Variants in CYGB observed in about 807,000 individuals in gnomAD.
CYGB encodes the protein cytoglobin, also known as histoglobin.
A neutral mutation model predicts 20.7 loss-of-function variants in CYGB; 13 were observed. The observed-to-expected ratio is 0.63, with a 90% CI of 0.41 to 1.00. The LOEUF (loss-of-function observed/expected upper bound fraction) is 1.00. Ranked by LOEUF, CYGB falls within the 50% of genes least tolerant of loss-of-function variation. The pLI is 0.00. For missense variants in CYGB, 218 were observed against 257.2 expected, an observed-to-expected ratio of 0.85 and a Z score of 1.04; for synonymous variants, 93 against 107.4, an observed-to-expected ratio of 0.87 and a Z score of 0.83.
rs1333216052 is a variant in CYGB, at chr17:76,530,872, C to T, written c.539+107G>A. 3.8e-6 allele frequency: 5 copies of T among 1,305,818 alleles called. No individual in the cohort carries two copies. The highest frequency in any genetic ancestry group is 5.2e-6 in the Non-Finnish European group (5 of 969,828). 80.9% of individuals were successfully genotyped at this position (1,305,818 alleles called of 1,614,324 possible). Reference sequence around the variant, plus strand: ...CCAGGGTTGGCCTGCCTCAAGTGTGCCTGCCCAGGTGATCAGCCCCAGGGC... The same window carrying T: ...CCAGGGTTGGCCTGCCTCAAGTGTGTCTGCCCAGGTGATCAGCCCCAGGGC... On this transcript the variant is annotated intron_variant, in intron 3 of 3. Coordinates refer to ENST00000293230, the MANE Select transcript of CYGB (RefSeq NM_134268.5). This position sits in a 1 kb window ranked among gnomAD's most constrained non-coding sequence, Gnocchi z 6.1.
At position 76,531,923 on chromosome 17, in the gene CYGB, C is replaced by A. The variant is rs930582; in HGVS notation, c.144-232G>T. On this transcript the variant is annotated intron_variant, in intron 1 of 3. Coordinates refer to ENST00000293230, the MANE Select transcript of CYGB (RefSeq NM_134268.5). This position sits in a 1 kb window ranked among gnomAD's most constrained non-coding sequence, Gnocchi z 7.4. ...TATCTGCCAGGCTTGCTCAGGCTGGCGGCTTCATCTCCTAGGCCTCTGTCT... is the reference window on the plus strand; with the variant it reads ...TATCTGCCAGGCTTGCTCAGGCTGGAGGCTTCATCTCCTAGGCCTCTGTCT... 0.02 allele frequency: 9,665 copies of A among 472,288 alleles called. 814 individuals carry two copies. Among genetic ancestry groups the A allele is most frequent in the African/African-American group, 0.17 (8,649 of 51,884 alleles). The allele number at this position is 472,288 out of a possible 1,614,324, so 29.3% of individuals were successfully genotyped here.
rs1173182356 is a variant in CYGB, at chr17:76,547,862, CAT to C, written c.-53+2998_-53+2999del. Among the ~76,000 whole-genome samples the C allele has an allele frequency of 5.3e-5, 8 of 150,564 alleles. No homozygotes were observed. In the East Asian group the frequency reaches 7.8e-4, roughly 15 times the overall value. On this transcript the variant is annotated intron_variant, in intron 1 of 3. Coordinates refer to the CYGB transcript ENST00000589145. ...ACATTCACACACACACAGACATACA[CAT>C]ATACATATTCACACACATACACATA...
rs773857390 is a variant in CYGB, at chr17:76,537,382, G to A, written c.143+18C>T. ...CGCCCTCCCTGCCCAGGGCCCGGCC[G>A]GGCCGGGCGACACCTACCTCACCAG... On this transcript the variant is annotated intron_variant, in intron 1 of 3. Coordinates refer to ENST00000293230, the MANE Select transcript of CYGB (RefSeq NM_134268.5). 5.7e-6 allele frequency: 9 copies of A among 1,577,346 alleles called. No homozygotes were observed. The South Asian group carries it at 7.9e-5, about 14-fold the overall frequency.
chr17:76,528,459 A>C lies in CYGB; in HGVS notation c.*119T>G. 3.1e-6 allele frequency: 3 copies of C among 966,482 alleles called. No homozygotes were observed. Among genetic ancestry groups the C allele is most frequent in the Non-Finnish European group, 4.1e-6 (3 of 725,916 alleles). 59.9% of individuals were successfully genotyped at this position (966,482 alleles called of 1,614,324 possible). ...CCGCCACAGAGGCCTCCTTCGGGGA[A>C]GTTGAGTCAGGGATTCCTCCAGCTT... On this transcript the variant is annotated 3_prime_UTR_variant, in exon 4 of 4. Coordinates refer to ENST00000293230, the MANE Select transcript of CYGB (RefSeq NM_134268.5). The surrounding 1 kb of genome is among the most constrained non-coding windows in gnomAD (Gnocchi z 5.8).
chr17:76,534,688 G>A (rs1429869394), intron 1 of CYGB, among the ~76,000 whole-genome samples: 4 of 152,182 alleles, frequency 2.6e-5, no homozygotes, highest in Admixed American at 2.6e-4. Flanking sequence ...GTGCCAGGAA[G>A]GGGCCCAGGC....
chr17:76,540,353 G>T (rs556136946), upstream of CYGB: 1,263 of 1,283,998 alleles, frequency 9.8e-4, 1 homozygote, highest in Non-Finnish European at 1.3e-3. The surrounding 1 kb of genome is among the most constrained non-coding windows in gnomAD (Gnocchi z 5.0). Context: ...GAACCCTTGA[G>T]AGAGCACAGT....
upstream of CYGB, chr17:76,538,597 G>A (rs1229474521): frequency 7.0e-6 from 3 of 427,362 alleles, no homozygotes; most frequent in Admixed American, 2.8e-5. Flanking sequence ...GGACCTGGCA[G>A]ACAAAAAGTC....
chr17:76,529,887 T>C, intron 3 of CYGB: 2 of 984,996 alleles, frequency 2.0e-6, no homozygotes, highest in Non-Finnish European at 2.4e-6. Context: ...AGGACTCCAC[T>C]CTCTTGGGGT....
At chr17:76,548,541 G>A (rs990090685) in intron 1 of CYGB, among the ~76,000 whole-genome samples, 1 of 152,232 alleles carries the variant, frequency 6.6e-6, no homozygotes, top group African/African-American at 2.4e-5. Flanking sequence ...AACCCTGCCT[G>A]TCCCTGTGAC....
rs995286483 is a variant in CYGB, at chr17:76,530,645, G to T, written c.539+334C>A. On this transcript the variant is annotated intron_variant, in intron 3 of 3. Coordinates refer to ENST00000293230, the MANE Select transcript of CYGB (RefSeq NM_134268.5). The surrounding 1 kb of genome is among the most constrained non-coding windows in gnomAD (Gnocchi z 6.1). ...TGGGCTGCCTCCGAGCCTGATGATC[G>T]GACCTTACCGCCAGGAGCCTCTGGC... is the stretch of plus-strand genomic sequence containing the variant. Among the ~76,000 whole-genome samples the T allele has an allele frequency of 6.6e-6, 1 of 152,162 alleles. No homozygotes were observed.
upstream of CYGB, chr17:76,540,625 G>A (rs1263723020): frequency 6.4e-7 from 1 of 1,560,050 alleles, no homozygotes; most frequent in Admixed American, 1.7e-5. The surrounding 1 kb of genome is among the most constrained non-coding windows in gnomAD (Gnocchi z 5.0). Context: ...AGGAAGCTGT[G>A]GCTGTGCATG....
In CYGB at chr17:76,547,643, T is replaced by TCA. The variant is rs56118010; in HGVS notation, c.-53+3217_-53+3218dup. On this transcript the variant is annotated intron_variant, in intron 1 of 3. Coordinates refer to the CYGB transcript ENST00000589145. The stretch of plus-strand genomic sequence containing the variant: ...TGTCCCTATGTGAACACACACACAT[T>TCA]CACACACACACACACACACATATTC... Among the ~76,000 whole-genome samples, 608 of 149,974 alleles carry TCA rather than the reference T, an allele frequency of 4.1e-3. 6 individuals are homozygous for TCA. Among genetic ancestry groups the TCA allele is most frequent in the African/African-American group, 0.014 (566 of 40,882 alleles).
intron 1 of CYGB, chr17:76,543,920 G>C (rs550052822): frequency 4.2e-6 from 2 of 470,692 alleles, no homozygotes; most frequent in Non-Finnish European, 8.8e-6. Flanking sequence ...CTTGTCCTCC[G>C]AATGTGTTTT....
upstream of CYGB, chr17:76,538,542 G>A (rs1296234843): frequency 6.5e-6 from 3 of 464,386 alleles, no homozygotes; most frequent in South Asian, 4.7e-5. Context: ...TTCTAGCCCA[G>A]CTGGTGGCGG....
In CYGB at chr17:76,527,867, C is replaced by A. The variant is rs1438017002; in HGVS notation, c.*711G>T. The A allele has an allele frequency of 1.6e-5, 7 of 446,818 alleles. No homozygotes were observed. Among genetic ancestry groups the A allele is most frequent in the Non-Finnish European group, 2.7e-5 (6 of 220,936 alleles). The allele number at this position is 446,818 out of a possible 1,614,324, so 27.7% of individuals were successfully genotyped here. ...GTTCCTCTGAGGGAGTAGGGGGAGC[C>A]CACTCCTTTCTGCCTGGAAGTGGAA... On this transcript the variant is annotated 3_prime_UTR_variant, in exon 4 of 4. Transcript: ENST00000293230.
At chr17:76,532,762 C>T (rs1168360607) in intron 1 of CYGB, among the ~76,000 whole-genome samples, 7 of 152,106 alleles carry the variant, frequency 4.6e-5, no homozygotes, top group Non-Finnish European at 7.4e-5. Flanking sequence ...GTCTCAAATT[C>T]CTGACCTCAG....
intron 1 of CYGB, among the ~76,000 whole-genome samples, chr17:76,536,141 C>T (rs1418523186): frequency 6.6e-6 from 1 of 152,194 alleles, no homozygotes; most frequent in Non-Finnish European, 1.5e-5. Context: ...GACTGTGTTT[C>T]TGGGCTTGGG....
chr17:76,529,635 G>A (rs1022193013), intron 3 of CYGB: 62 of 985,260 alleles, frequency 6.3e-5, no homozygotes, highest in Middle Eastern at 5.2e-4. Flanking sequence ...CAGAGCCTGC[G>A]TGGGGAGAGG....
chr17:76,544,236 C>G (rs1346024850), intron 1 of CYGB: 4 of 454,440 alleles, frequency 8.8e-6, no homozygotes, highest in Non-Finnish European at 1.8e-5. Flanking sequence ...CCCCAGCCAG[C>G]CCCCCTCCCA....
Sources: allele counts gnomAD v4.1 joint callset (sites outside exome capture counted in the v4.1 genomes callset), GRCh38; gene constraint gnomAD v4.1.1; non-coding constraint Gnocchi (gnomAD v3.1); transcripts MANE v1.5; gene names NCBI Gene and HGNC (gene_info 2026-07-23, HGNC 2026-07-21).